The following ABCA2 variants were observed in gnomAD, a reference collection of about 807,000 sequenced individuals.
ABCA2 encodes the protein ATP-binding cassette sub-family A member 2.
ABCA2 carries 84 observed loss-of-function variants against 262.8 expected under a neutral mutation model. The observed-to-expected ratio is 0.32, with a 90% confidence interval of 0.27 to 0.38. The LOEUF is 0.38. Ranked by LOEUF, ABCA2 falls within the 10% of genes least tolerant of loss-of-function variation. The pLI is 1.00. For missense variants in ABCA2, 2,662 were observed against 3,405.9 expected (o/e 0.78, Z 5.44); for synonymous variants, 1,696 against 1,502.9 (o/e 1.13, Z -2.97).
At chr9:137,023,650 C>T in intron 3 of ABCA2, 188 bp downstream of exon 3, 3 of 684,796 alleles carry the variant, frequency 4.4e-6, no homozygotes, top group Non-Finnish European at 8.0e-6. Context: ...GTGGCCGGGC[C>T]TTTCACTCCC....
In ABCA2 at chr9:137,022,790, C is replaced by G. The variant is rs776068355; in HGVS notation, c.351G>C (p.Leu117=). ...GGCGTAGGGCCTCGAGCTCTGAGCC[C>G]AGGCTGGGCCGCGCTGGGTCAAACA... ...GNLFDPARPS[L]GSELEALRQH... Residue 117 remains leucine (L), a synonymous_variant, in exon 5 of 49, where the codon CTG becomes CTC. Coordinates refer to ENST00000341511, the MANE Select transcript of ABCA2 (RefSeq NM_001606.5). 4.4e-6 allele frequency: 7 copies of G among 1,597,604 alleles called. No individual in the cohort carries two copies. Among genetic ancestry groups the G allele is most frequent in the African/African-American group, 2.7e-5 (2 of 74,814 alleles).
chr9:137,016,753 G>C lies in ABCA2; in HGVS notation c.2759-15C>G, dbSNP rs1282778818. On this transcript the variant is annotated splice_polypyrimidine_tract_variant and intron_variant, in intron 19 of 48. Transcript: ENST00000341511. ...CCCGTACATGCCTGGGGGTCGGGGAGGGGAGGGGAGGCTGACCTAGGGCCT... is the reference window on the plus strand; with the variant it reads ...CCCGTACATGCCTGGGGGTCGGGGACGGGAGGGGAGGCTGACCTAGGGCCT... 2 of 1,540,696 alleles carry C rather than the reference G, an allele frequency of 1.3e-6. No homozygotes were observed. Among genetic ancestry groups the C allele is most frequent in the South Asian group, 2.5e-5 (2 of 81,412 alleles).
At chr9:137,020,227 T>C (rs1003163981) in intron 10 of ABCA2, 109 bp downstream of exon 10, 1 of 1,475,270 alleles carries the variant, frequency 6.8e-7, no homozygotes, top group Admixed American at 1.8e-5. Flanking sequence ...CTGCACCCCG[T>C]ACCCCTCCCG....
In ABCA2 at chr9:137,013,687, A is replaced by G. The variant is rs10870162; in HGVS notation, c.4448-124T>C. 0.71 allele frequency: 938,003 copies of G among 1,328,622 alleles called. 333,209 individuals are homozygous for G. The highest frequency in any genetic ancestry group is 0.81 in the East Asian group (32,531 of 40,010). 82.3% of individuals were successfully genotyped at this position (1,328,622 alleles called of 1,614,324 possible). ...GGGGTCTGGGACCCGAGGAGACAGG[A>G]CTCCCGGATGAACCCCGGTGCGTGC... On this transcript the variant is annotated intron_variant, in intron 28 of 48. Coordinates refer to ENST00000341511, the MANE Select transcript of ABCA2 (RefSeq NM_001606.5).
At chr9:137,016,496 G>T in intron 20 of ABCA2, 25 bp from the exon 21 acceptor site, 1 of 1,612,578 alleles carries the variant, frequency 6.2e-7, no homozygotes, top group South Asian at 1.1e-5. Context: ...TGGATCAGCA[G>T]GGTGGGGGCG....
At chr9:137,009,293 C>T in intron 45 of ABCA2, 77 bp downstream of exon 45, 1 of 1,339,332 alleles carries the variant, frequency 7.5e-7, no homozygotes, top group Non-Finnish European at 1.0e-6. Context: ...CCTGCAGCCA[C>T]CCCCACTCCT....
Position 137,016,390 on chromosome 9 carries a change from T to C in ABCA2, c.3005A>G (p.Asp1002Gly). 6.2e-7 allele frequency: 1 copy of C among 1,612,924 alleles called. No homozygotes were observed. The change falls in exon 21 of 49, where the codon GAC becomes GGC. Residue 1002 changes from aspartate to glycine, a missense_variant. By Grantham distance (94) the Asp-to-Gly change is moderately conservative (BLOSUM62 -1). Coordinates refer to ENST00000341511, the MANE Select transcript of ABCA2 (RefSeq NM_001606.5). Reference sequence around the variant, plus strand: ...CTTGTTCAGGGCCAGCTTCTTGTCGTCCTTGTAGACCTTGGTGAGTTTGTC... The same window carrying C: ...CTTGTTCAGGGCCAGCTTCTTGTCGCCCTTGTAGACCTTGGTGAGTTTGTC... ...CVDKLTKVYKDDKKLALNKLS... is the reference protein window; with the variant it reads ...CVDKLTKVYKGDKKLALNKLS...
chr9:137,011,325 G>C lies in ABCA2; in HGVS notation c.5800-16C>G, dbSNP rs1219505661. On this transcript the variant is annotated splice_polypyrimidine_tract_variant and intron_variant, in intron 37 of 48. Coordinates refer to ENST00000341511, the MANE Select transcript of ABCA2 (RefSeq NM_001606.5). This position sits in a 1 kb window ranked among gnomAD's most constrained non-coding sequence, Gnocchi z 8.8. ...CCTTCAGGTCCTGCGGGGTGGCCGG[G>C]GTCAGGGGCACAGGGGTGGCCGGGG... 14 of 1,607,976 alleles carry C rather than the reference G, an allele frequency of 8.7e-6. No homozygotes were observed. Among genetic ancestry groups the C allele is most frequent in the Middle Eastern group, 1.7e-4 (1 of 6,030 alleles).
intron 13 of ABCA2, 42 bp from the exon 14 acceptor site, chr9:137,018,393 G>T: frequency 8.3e-7 from 1 of 1,204,852 alleles, no homozygotes; most frequent in Non-Finnish European, 1.1e-6. Context: ...TGCAGGGGCG[G>T]GACCAAGGCG....
rs1482542393 is a variant in ABCA2, at chr9:137,024,216, G to A, written c.87C>T (p.Ile29=). The part of the protein sequence containing the change: ...RRSPWVLAFE[I]FIPLVLFFIL... Reference sequence around the variant, plus strand: ...TAAAGAACAGCACCAGGGGGATGAAGATCTCGAAGGCCAGGACCCACTGGA... The same window carrying A: ...TAAAGAACAGCACCAGGGGGATGAAAATCTCGAAGGCCAGGACCCACTGGA... Residue 29 remains isoleucine (I), a synonymous_variant, in exon 2 of 49, where the codon ATC becomes ATT. Coordinates refer to ENST00000341511, the MANE Select transcript of ABCA2 (RefSeq NM_001606.5). The A allele has an allele frequency of 1.2e-6, 2 of 1,611,774 alleles. No homozygotes were observed. The highest frequency in any genetic ancestry group is 2.2e-5 in the East Asian group (1 of 44,850).
chr9:137,011,798 G>C lies in ABCA2; in HGVS notation c.5535+46C>G, dbSNP rs537708323. 44 of 1,552,748 alleles carry C rather than the reference G, an allele frequency of 2.8e-5. No homozygotes were observed. The East Asian group carries it at 9.5e-4, about 33-fold the overall frequency. On this transcript the variant is annotated intron_variant, in intron 35 of 48. Coordinates refer to ENST00000341511, the MANE Select transcript of ABCA2 (RefSeq NM_001606.5). The surrounding 1 kb of genome is among the most constrained non-coding windows in gnomAD (Gnocchi z 8.8). ...GAGAGACCCGGGGCAGGGCGGGGAT[G>C]GGGGATGAGAAGGGCCGGGGCACCC...
intron 22 of ABCA2, 28 bp downstream of exon 22, chr9:137,015,934 T>TGGGG: frequency 2.3e-5 from 15 of 654,152 alleles, no homozygotes; most frequent in Non-Finnish European, 3.2e-5. Flanking sequence ...TCCGCCCACC[T>TGGGG]GCCCCGCCCC....
In ABCA2 at chr9:137,012,601, A is replaced by G. The variant is rs748440811; in HGVS notation, c.5082-11T>C. 4 of 1,611,394 alleles carry G rather than the reference A, an allele frequency of 2.5e-6. No individual in the cohort carries two copies. In the South Asian group the frequency reaches 3.3e-5, roughly 13 times the overall value. On this transcript the variant is annotated splice_polypyrimidine_tract_variant and intron_variant, in intron 31 of 48. Coordinates refer to ENST00000341511, the MANE Select transcript of ABCA2 (RefSeq NM_001606.5). The stretch of plus-strand genomic sequence containing the variant: ...GTGATGGCCCCATACCTGGGCAGGC[A>G]GGTGGGAGGGGCGGTGAGGCTAGGC...
At position 137,008,799 on chromosome 9, in the gene ABCA2, T is replaced by C; in HGVS notation, c.7000A>G (p.Lys2334Glu). 6.2e-7 allele frequency: 1 copy of C among 1,604,664 alleles called. No individual in the cohort carries two copies. The highest frequency in any genetic ancestry group is 1.7e-4 in the Middle Eastern group (1 of 6,054). The change falls in exon 47 of 49, where the codon AAG (lysine) becomes GAG (glutamate). Residue 2334 changes from lysine (K) to glutamate (E), a missense_variant. By Grantham distance (56) the Lys-to-Glu change is moderately conservative (BLOSUM62 1). Coordinates refer to ENST00000341511, the MANE Select transcript of ABCA2 (RefSeq NM_001606.5). ...EHISLAQVFSKMEQVSGVLGI... is the reference protein window; with the variant it reads ...EHISLAQVFSEMEQVSGVLGI... ...AGCACGCCAGACACCTGCTCCATCTTGCTGAACACCTGGGCCAGCGAGATG... is the reference window on the plus strand; with the variant it reads ...AGCACGCCAGACACCTGCTCCATCTCGCTGAACACCTGGGCCAGCGAGATG...
At chr9:137,015,220 C>T (rs1588515311) in intron 24 of ABCA2, 123 bp from the exon 25 acceptor site, 7 of 1,271,288 alleles carry the variant, frequency 5.5e-6, no homozygotes, top group East Asian at 4.8e-5. Context: ...CAGCAGGTAT[C>T]CTGGGCCCAG....
In ABCA2 at chr9:137,009,762, G is replaced by A. The variant is rs199607276; in HGVS notation, c.6630+7C>T. On this transcript the variant is annotated splice_region_variant and intron_variant, in intron 43 of 48. Transcript: ENST00000341511. ...AGGCAGCCACCCCCCACCCACCCAG[G>A]ACTTACCAGGAAGATGAAGGCTGGG... 2.5e-4 allele frequency: 404 copies of A among 1,610,800 alleles called. No individual in the cohort carries two copies. The highest frequency in any genetic ancestry group is 3.1e-4 in the Non-Finnish European group (369 of 1,178,596).
chr9:137,009,340 C>A, intron 45 of ABCA2, 30 bp downstream of exon 45: 11 of 1,456,826 alleles, frequency 7.6e-6, no homozygotes, highest in Non-Finnish European at 1.0e-5. Flanking sequence ...GGGCCCGCCC[C>A]AGCCCACCCC....
Position 137,022,841 on chromosome 9 carries a change from C to T in ABCA2, c.300G>A (p.Leu100=). 4 of 1,585,510 alleles carry T rather than the reference C, an allele frequency of 2.5e-6. No individual in the cohort carries two copies. Among genetic ancestry groups the T allele is most frequent in the Non-Finnish European group, 3.4e-6 (4 of 1,166,978 alleles). The part of the protein sequence containing the change: ...NSTVTQLLER[L]DRVVEEGNLF... ...GGTTGCCTTCCTCCACCACGCGGTC[C>T]AGGCGCTCAAGCAGCTGCGTGACCC... is the stretch of plus-strand genomic sequence containing the variant. Residue 100 remains leucine, a synonymous_variant, in exon 5 of 49, where the codon CTG becomes CTA. Transcript: ENST00000341511.
At chr9:137,027,121 CCA>C (rs988945084) in intron 1 of ABCA2, among the ~76,000 whole-genome samples, 3 of 152,232 alleles carry the variant, frequency 2.0e-5, no homozygotes, top group Admixed American at 2.0e-4. Context: ...CCTTAGGCCC[CCA>C]CCTGCTCTGA....
Sources: gnomAD v4.1 joint callset for allele counts (sites outside exome capture counted in the v4.1 genomes callset) on GRCh38, gnomAD v4.1.1 for gene constraint, Gnocchi (gnomAD v3.1) non-coding constraint, MANE v1.5 for transcripts, NCBI Gene and HGNC (gene_info 2026-07-23, HGNC 2026-07-21) for gene names.